CTNNBL1: variants seen among roughly 807,000 people sequenced by gnomAD.
CTNNBL1 encodes the protein beta-catenin-like protein 1.
Under a neutral mutation model 72.7 loss-of-function variants are expected in CTNNBL1, and 31 were observed. The ratio of observed to expected loss-of-function variants is 0.43; its 90% CI spans 0.32 to 0.58. The LOEUF is 0.58. CTNNBL1 is among the 20% of genes least tolerant of loss of function. The probability of loss-of-function intolerance (pLI) is 0.08; values close to 1 mark genes in which losing one functional copy is unlikely to be tolerated. For synonymous variants in CTNNBL1, 240 were observed against 267.3 expected, an observed-to-expected ratio of 0.90 and a Z score of 1.00; for missense variants, 534 against 725.1, an observed-to-expected ratio of 0.74 and a Z score of 3.03.
chr20:37,779,065 G>T, intron 9 of CTNNBL1, 122 bp from the exon 10 acceptor site: 1 of 874,238 alleles, frequency 1.1e-6, no homozygotes, highest in Non-Finnish European at 1.8e-6. Flanking sequence ...AATTTTGTTT[G>T]GTGAGCTTCT....
chr20:37,796,404 C>A (rs1361347544), intron 10 of CTNNBL1, among the ~76,000 whole-genome samples: 2 of 151,950 alleles, frequency 1.3e-5, no homozygotes, highest in Non-Finnish European at 2.9e-5. Context: ...GCATGTGTTA[C>A]CCTCCTGATG....
intron 15 of CTNNBL1, among the ~76,000 whole-genome samples, chr20:37,865,010 T>C (rs1325728800): frequency 6.6e-6 from 1 of 152,148 alleles, no homozygotes; most frequent in Non-Finnish European, 1.5e-5. Context: ...CCTGGGTCTC[T>C]GGTGATGTAA....
intron 13 of CTNNBL1, among the ~76,000 whole-genome samples, chr20:37,847,646 CAGAA>C (rs1256551996): frequency 1.3e-5 from 2 of 152,158 alleles, no homozygotes; most frequent in African/African-American, 4.8e-5. Flanking sequence ...TTTTGACTGT[CAGAA>C]AGAAGACATG....
intron 1 of CTNNBL1, among the ~76,000 whole-genome samples, chr20:37,712,746 T>G (rs1263661351): frequency 6.6e-6 from 1 of 152,238 alleles, no homozygotes; most frequent in Non-Finnish European, 1.5e-5. Context: ...TCAGAGTTGG[T>G]TGGCAGGGAC....
At chr20:37,868,911 A>G (rs2072559396) in intron 15 of CTNNBL1, among the ~76,000 whole-genome samples, 1 of 152,110 alleles carries the variant, frequency 6.6e-6, no homozygotes, top group Non-Finnish European at 1.5e-5. Flanking sequence ...CTGCTTCCAG[A>G]CCATGCCTCC....
chr20:37,856,369 T>A (rs1600532127), intron 13 of CTNNBL1, among the ~76,000 whole-genome samples: 1 of 151,892 alleles, frequency 6.6e-6, no homozygotes, highest in African/African-American at 2.4e-5. Context: ...ACAACAGAGG[T>A]ACAAATCCAG....
chr20:37,733,542 T>G (rs1279205739), intron 2 of CTNNBL1, among the ~76,000 whole-genome samples: 1 of 152,204 alleles, frequency 6.6e-6, no homozygotes, highest in Non-Finnish European at 1.5e-5. Context: ...TTCCCTTTGC[T>G]GTTCCTCAAG....
At chr20:37,726,935 T>C (rs1003142497) in intron 1 of CTNNBL1, among the ~76,000 whole-genome samples, 2 of 152,178 alleles carry the variant, frequency 1.3e-5, no homozygotes, top group African/African-American at 4.8e-5. Flanking sequence ...AAGTTCTCTT[T>C]TTTCCCCACT....
At chr20:37,746,681 T>C in intron 4 of CTNNBL1, 74 bp downstream of exon 4, 1 of 1,525,640 alleles carries the variant, frequency 6.6e-7, no homozygotes, top group African/African-American at 1.4e-5. Context: ...CTCCTGTCTC[T>C]CTTTGTAGAT....
chr20:37,856,218 C>A (rs373228071), intron 13 of CTNNBL1, among the ~76,000 whole-genome samples: 1 of 138,674 alleles, frequency 7.2e-6, no homozygotes. Context: ...AAAAAAAGAG[C>A]CTACTAAGCA....
rs112812608 is a variant in CTNNBL1 at position 37,741,262 on chromosome 20, C to T, written c.326+3778C>T. Among the ~76,000 whole-genome samples, 595 of 152,286 alleles carry T rather than the reference C, an allele frequency of 3.9e-3. 6 individuals are homozygous for T. Among genetic ancestry groups the T allele is most frequent in the African/African-American group, 0.014 (564 of 41,548 alleles). ...CCTAATTCCTAAAGACAGTTCTCTG[C>T]AAATAGTAGTGTGTGCTTTAAATGA... On this transcript the variant is annotated intron_variant, in intron 3 of 15. Transcript: ENST00000361383.
chr20:37,704,541 A>G (rs1224021937), intron 1 of CTNNBL1, among the ~76,000 whole-genome samples: 4 of 151,762 alleles, frequency 2.6e-5, no homozygotes, highest in African/African-American at 9.7e-5. Flanking sequence ...ACAGTGAGAC[A>G]TCGTCTCAAA....
At chr20:37,702,216 A>G (rs1490910555) in intron 1 of CTNNBL1, among the ~76,000 whole-genome samples, 1 of 152,116 alleles carries the variant, frequency 6.6e-6, no homozygotes, top group Non-Finnish European at 1.5e-5. Flanking sequence ...ACTAGTTCAT[A>G]ATTTATTTTT....
chr20:37,745,072 TTCTC>T (rs2073250910), intron 3 of CTNNBL1, among the ~76,000 whole-genome samples: 2 of 152,212 alleles, frequency 1.3e-5, no homozygotes, highest in South Asian at 4.1e-4. Flanking sequence ...TTGCTTTTCT[TTCTC>T]CGGTTTTCTA....
At chr20:37,831,435 G>A (rs150278242) in intron 11 of CTNNBL1, among the ~76,000 whole-genome samples, 2 of 151,134 alleles carry the variant, frequency 1.3e-5, no homozygotes, top group Non-Finnish European at 2.9e-5. Context: ...GTGCGATCTC[G>A]GCTCACTGTA....
At chr20:37,844,168 A>G (rs151128174) in intron 13 of CTNNBL1, among the ~76,000 whole-genome samples, 2 of 152,316 alleles carry the variant, frequency 1.3e-5, no homozygotes, top group East Asian at 3.9e-4. Flanking sequence ...AAGCCATGAG[A>G]CAGTTAGAAC....
At position 37,715,875 on chromosome 20, in the gene CTNNBL1, G is replaced by A. The variant is rs148983440; in HGVS notation, c.31-17004G>A. 2.8e-3 allele frequency among the ~76,000 whole-genome samples: 430 copies of A among 152,250 alleles called. 5 individuals carry two copies. Among genetic ancestry groups the A allele is most frequent in the East Asian group, 0.017 (89 of 5,194 alleles). ...TTGCCTTGATGGCTCTCTTTGAGTT[G>A]GTTGTAACTGACTGGAGATTCACCC... On this transcript the variant is annotated intron_variant, in intron 1 of 15. Coordinates refer to ENST00000361383, the MANE Select transcript of CTNNBL1 (RefSeq NM_030877.5).
chr20:37,795,525 GTTCATTTTTTCCTGTATTCT>G (rs563366524), intron 10 of CTNNBL1, among the ~76,000 whole-genome samples: 37 of 152,218 alleles, frequency 2.4e-4, no homozygotes, highest in Non-Finnish European at 4.1e-4. Flanking sequence ...CTGATGATGT[GTTCATTTTTTCCTGTATTCT>G]TTTTCCTTTG....
intron 1 of CTNNBL1, among the ~76,000 whole-genome samples, chr20:37,701,849 G>A (rs1010251156): frequency 2.7e-4 from 39 of 147,044 alleles, no homozygotes; most frequent in African/African-American, 9.4e-4. Context: ...GTAATACATC[G>A]TACGCTCATC....
Sources: allele counts gnomAD v4.1 joint callset (sites outside exome capture counted in the v4.1 genomes callset), GRCh38; gene constraint gnomAD v4.1.1; transcripts MANE v1.5; gene names NCBI Gene and HGNC (gene_info 2026-07-23, HGNC 2026-07-21).